DPP9: variants seen among roughly 807,000 people sequenced by gnomAD.
The protein encoded by DPP9 is dipeptidyl peptidase 9.
DPP9 carries 50 observed loss-of-function variants against 110.7 expected under a neutral mutation model. The ratio of observed to expected loss-of-function variants is 0.45; its 90% CI spans 0.36 to 0.57. The LOEUF is 0.57. Ranked by LOEUF, DPP9 falls within the 20% of genes least tolerant of loss-of-function variation. The probability of loss-of-function intolerance (pLI) is 0.00; values close to 1 mark genes in which losing one functional copy is unlikely to be tolerated. For synonymous variants in DPP9, 561 were observed against 514.4 expected (o/e 1.09, Z -1.23); for missense variants, 1,022 against 1,217.9 (o/e 0.84, Z 2.39).
chr19:4,713,882 G>A (rs1158226848), intron 4 of DPP9, among the ~76,000 whole-genome samples, 199 bp downstream of exon 4: 1 of 152,034 alleles, frequency 6.6e-6, no homozygotes, highest in Non-Finnish European at 1.5e-5. Flanking sequence ...GACCCTCCGG[G>A]GGCCGCCCCA....
In DPP9 at chr19:4,703,940, A is replaced by C; in HGVS notation, c.715T>G (p.Trp239Gly). The C allele has an allele frequency of 6.2e-7, 1 of 1,613,570 alleles. No homozygotes were observed. Among genetic ancestry groups the C allele is most frequent in the Non-Finnish European group, 8.5e-7 (1 of 1,179,714 alleles). ...TCGCCTGTCTCGATGTTGGCCACCC[A>C]CAGGTCGCTGTTATTGATGAAGGAG... ...FFSFINNSDLWVANIETGEER... is the reference protein window; with the variant it reads ...FFSFINNSDLGVANIETGEER... Residue 239 changes from tryptophan (W) to glycine (G), a missense_variant, in exon 7 of 22, where the codon TGG becomes GGG. Around this residue, in one of 3 missense-constraint regions of DPP9, gnomAD observed 810 missense variants for 920.6 expected, o/e 0.88. Coordinates refer to ENST00000262960, the MANE Select transcript of DPP9 (RefSeq NM_139159.5).
intron 21 of DPP9, chr19:4,679,343 C>T (rs1330500616): frequency 1.3e-5 from 2 of 159,966 alleles, no homozygotes; most frequent in East Asian, 1.9e-4. Context: ...AGGCTCCACC[C>T]ACTCCCCCAC....
At position 4,704,053 on chromosome 19, in the gene DPP9, A is replaced by G. The variant is rs1202055467; in HGVS notation, c.602T>C (p.Val201Ala). ...CRDGGKNGFMVSPMKPLEIKT... is the reference protein window; with the variant it reads ...CRDGGKNGFMASPMKPLEIKT... The stretch of plus-strand genomic sequence containing the variant: ...GATTTCCAGCGGTTTCATAGGGGAC[A>G]CCTGAGGACAGAGACGCCCAGCTCA... Residue 201 changes from valine (V) to alanine (A), a missense_variant and splice_region_variant, in exon 7 of 22, where the codon GTG (valine) becomes GCG (alanine). Physicochemically the swap from Val to Ala is moderately conservative, Grantham distance 64. This residue lies in a region of DPP9 where 810 missense variants were observed against 920.6 expected (regional missense o/e 0.88). Coordinates refer to ENST00000262960, the MANE Select transcript of DPP9 (RefSeq NM_139159.5). This position sits in a 1 kb window ranked among gnomAD's most constrained non-coding sequence, Gnocchi z 6.0. 6.2e-7 allele frequency: 1 copy of G among 1,613,888 alleles called. No homozygotes were observed. Among genetic ancestry groups the G allele is most frequent in the East Asian group, 2.2e-5 (1 of 44,860 alleles).
intron 4 of DPP9, among the ~76,000 whole-genome samples, chr19:4,713,562 C>T (rs575723949): frequency 2.0e-5 from 3 of 152,248 alleles, no homozygotes; most frequent in Admixed American, 2.0e-4. Flanking sequence ...TGTGCTGTCA[C>T]CGGCGGCAAA....
intron 14 of DPP9, among the ~76,000 whole-genome samples, chr19:4,690,233 C>T (rs2091190388): frequency 6.6e-6 from 1 of 152,188 alleles, no homozygotes; most frequent in African/African-American, 2.4e-5. Flanking sequence ...GCAGCGGGGC[C>T]CCTCCTTCAC....
At position 4,676,507 on chromosome 19, in the gene DPP9, TC is replaced by T; in HGVS notation, c.*56del. On this transcript the variant is annotated 3_prime_UTR_variant, in exon 22 of 22. Transcript: ENST00000262960. This position sits in a 1 kb window ranked among gnomAD's most constrained non-coding sequence, Gnocchi z 4.0. ...GGCCACTCAGTCCCTCCCGCCTGGT[TC>T]CCCGCGGAGGCTGCAGCCACTTGTG... 6.8e-7 allele frequency: 1 copy of T among 1,459,894 alleles called. No homozygotes were observed. The highest frequency in any genetic ancestry group is 9.4e-7 in the Non-Finnish European group (1 of 1,062,736). The allele number at this position is 1,459,894 out of a possible 1,614,324, so 90.4% of individuals were successfully genotyped here.
intron 11 of DPP9, among the ~76,000 whole-genome samples, chr19:4,696,279 C>G (rs755455506): frequency 5.9e-5 from 9 of 152,102 alleles, no homozygotes; most frequent in Non-Finnish European, 1.3e-4. Context: ...CACCTCCACA[C>G]ACAGAACAAC....
Position 4,684,525 on chromosome 19 carries a change from T to G in DPP9, c.2178+138A>C. 1.0e-6 allele frequency: 1 copy of G among 985,970 alleles called. No homozygotes were observed. Among genetic ancestry groups the G allele is most frequent in the Non-Finnish European group, 1.5e-6 (1 of 675,818 alleles). The allele number at this position is 985,970 out of a possible 1,614,324, so 61.1% of individuals were successfully genotyped here. On this transcript the variant is annotated intron_variant, in intron 18 of 21. Coordinates refer to ENST00000262960, the MANE Select transcript of DPP9 (RefSeq NM_139159.5). The surrounding 1 kb of genome is among the most constrained non-coding windows in gnomAD (Gnocchi z 4.8). ...CCTTTTGTTCTAAAAGGGCGCCTCA[T>G]TGAGCCTGCGTCACCCCAGCCAGAA...
At chr19:4,683,444 G>C in intron 19 of DPP9, 33 bp downstream of exon 19, 2 of 1,611,612 alleles carry the variant, frequency 1.2e-6, no homozygotes, top group Non-Finnish European at 1.7e-6. Context: ...GCAGGGAGGG[G>C]CGTGGCTGAG....
At position 4,679,835 on chromosome 19, in the gene DPP9, C is replaced by G; in HGVS notation, c.2586G>C (p.Gln862His). ...GCCGAAGCCCCCAACAGCCACCCAC[C>G]TGGAGCTGGTAAGGTTTCCCTGCTC... ...LIRAGKPYQL[Q>H]IYPNERHSIR... The change falls in exon 21 of 22, where the codon CAG (glutamine) becomes CAC (histidine). Residue 862 changes from glutamine to histidine, a missense_variant and splice_region_variant. Gln to His is a conservative substitution (Grantham distance 24). Coordinates refer to ENST00000262960, the MANE Select transcript of DPP9 (RefSeq NM_139159.5). The G allele has an allele frequency of 1.2e-6, 2 of 1,606,736 alleles. No homozygotes were observed. Among genetic ancestry groups the G allele is most frequent in the Non-Finnish European group, 1.7e-6 (2 of 1,176,574 alleles).
chr19:4,701,918 A>G, intron 9 of DPP9, 109 bp downstream of exon 9: 1 of 1,451,152 alleles, frequency 6.9e-7, no homozygotes, highest in Non-Finnish European at 9.3e-7. Flanking sequence ...ATAGATGCCC[A>G]GAGCACACAC....
intron 21 of DPP9, chr19:4,679,352 ACT>A (rs1211578827): frequency 5.3e-5 from 5 of 94,312 alleles, no homozygotes; most frequent in African/African-American, 2.2e-4. Context: ...CCACTCCCCC[ACT>A]CTCCTCCCGC....
At chr19:4,708,025 C>T (rs565480864) in intron 4 of DPP9, among the ~76,000 whole-genome samples, 25 of 152,138 alleles carry the variant, frequency 1.6e-4, no homozygotes, top group Non-Finnish European at 2.6e-4. Context: ...TTTCTTGTTA[C>T]AGGCAGCCGC....
intron 4 of DPP9, among the ~76,000 whole-genome samples, chr19:4,713,410 A>G (rs1239497087): frequency 6.6e-6 from 1 of 152,204 alleles, no homozygotes; most frequent in Admixed American, 6.5e-5. Context: ...CGTGCCCTGA[A>G]GGCACTCGTG....
At chr19:4,714,733 C>T (rs921136342) in intron 3 of DPP9, among the ~76,000 whole-genome samples, 4 of 152,002 alleles carry the variant, frequency 2.6e-5, no homozygotes, top group African/African-American at 9.7e-5. Context: ...GGATGTTCCA[C>T]ATCCACTGCC....
At position 4,694,342 on chromosome 19, in the gene DPP9, C is replaced by T. The variant is rs947767828; in HGVS notation, c.1516+319G>A. 8.1e-6 allele frequency: 4 copies of T among 491,012 alleles called. No homozygotes were observed. The highest frequency in any genetic ancestry group is 1.4e-5 in the Non-Finnish European group (4 of 277,780). 30.4% of individuals were successfully genotyped at this position (491,012 alleles called of 1,614,324 possible). On this transcript the variant is annotated intron_variant, in intron 13 of 21. Transcript: ENST00000262960. The surrounding 1 kb of genome is among the most constrained non-coding windows in gnomAD (Gnocchi z 4.0). ...TAAACAAGTGGCTGTGGCTCAGTGC[C>T]AATAAAACTTTATTTATGAACACAG...
Position 4,704,083 on chromosome 19 carries a change from G to A in DPP9, c.601-29C>T, listed in dbSNP as rs199919276. The A allele has an allele frequency of 1.9e-6, 3 of 1,613,656 alleles. No homozygotes were observed. Among genetic ancestry groups the A allele is most frequent in the African/African-American group, 2.7e-5 (2 of 75,050 alleles). ...AGGACAGAGACGCCCAGCTCAGGGG[G>A]AGGGGCCCTCCACGCCACCCCCGCA... On this transcript the variant is annotated intron_variant, in intron 6 of 21. Coordinates refer to ENST00000262960, the MANE Select transcript of DPP9 (RefSeq NM_139159.5). This position sits in a 1 kb window ranked among gnomAD's most constrained non-coding sequence, Gnocchi z 6.0.
chr19:4,712,980 CATGGAT>C (rs1001869615), intron 4 of DPP9, among the ~76,000 whole-genome samples: 3 of 152,216 alleles, frequency 2.0e-5, no homozygotes, highest in African/African-American at 7.2e-5. Flanking sequence ...CCATGAGTCC[CATGGAT>C]GAGTGCAGCG....
intron 4 of DPP9, among the ~76,000 whole-genome samples, chr19:4,713,292 C>T (rs1178816430): frequency 6.6e-6 from 1 of 152,244 alleles, no homozygotes; most frequent in Admixed American, 6.5e-5. Context: ...CCTCCCAGCT[C>T]TTAAGGCCTC....
Sources: gnomAD v4.1 joint callset for allele counts (sites outside exome capture counted in the v4.1 genomes callset) on GRCh38, gnomAD v4.1.1 for gene constraint, gnomAD v4.1.1 regional missense constraint, Gnocchi (gnomAD v3.1) non-coding constraint, MANE v1.5 for transcripts, NCBI Gene and HGNC (gene_info 2026-07-23, HGNC 2026-07-21) for gene names.